The following SMYD3 variants were observed in gnomAD, a reference collection of about 807,000 sequenced individuals.
The protein encoded by SMYD3 is SET and MYND domain containing 3.
SMYD3 carries 36 observed loss-of-function variants against 57.7 expected under a neutral mutation model. The ratio of observed to expected loss-of-function variants is 0.62; its 90% CI spans 0.48 to 0.82. The LOEUF is 0.82. SMYD3 is among the 40% of genes least tolerant of loss of function. SMYD3 has a pLI of 0.00. For missense variants in SMYD3, 515 were observed against 538.8 expected (o/e 0.96, Z 0.44); for synonymous variants, 211 against 195.0 (o/e 1.08, Z -0.68).
chr1:246,208,779 A>C (rs12134377), intron 5 of SMYD3, among the ~76,000 whole-genome samples: 1 of 152,196 alleles, frequency 6.6e-6, no homozygotes, highest in Non-Finnish European at 1.5e-5. Flanking sequence ...GCCAAAACCA[A>C]CTAAAGTAGT....
intron 5 of SMYD3, among the ~76,000 whole-genome samples, chr1:245,989,000 T>C (rs2058760179): frequency 6.6e-6 from 1 of 152,236 alleles, no homozygotes. Flanking sequence ...TATCATATTA[T>C]TTAAGCCTTG....
At chr1:246,507,015 A>G in intron 1 of SMYD3, 39 bp downstream of exon 1, 1 of 1,345,462 alleles carries the variant, frequency 7.4e-7, no homozygotes. Context: ...CACCCCACAC[A>G]GCTCGCGACT....
Position 246,427,257 on chromosome 1 carries a change from A to G in SMYD3, c.165-72163T>C, listed in dbSNP as rs1404292467. Among the ~76,000 whole-genome samples the G allele has an allele frequency of 3.9e-5, 6 of 152,358 alleles. No homozygotes were observed. The East Asian group carries it at 1.2e-3, about 29-fold the overall frequency. ...ATATTAAACATTAAAATAGTGGCTC[A>G]CGCCTGTAATCCCAGCACTTTGGGA... On this transcript the variant is annotated intron_variant, in intron 1 of 11. Coordinates refer to ENST00000490107, the MANE Select transcript of SMYD3 (RefSeq NM_001167740.2).
At chr1:245,846,908 G>A (rs2050693251) in intron 10 of SMYD3, among the ~76,000 whole-genome samples, 1 of 152,144 alleles carries the variant, frequency 6.6e-6, no homozygotes, top group South Asian at 2.1e-4. Context: ...CATACTGAAG[G>A]GCAGTGTTAT....
intron 10 of SMYD3, among the ~76,000 whole-genome samples, chr1:245,799,425 C>T (rs1169269397): frequency 6.6e-6 from 1 of 152,280 alleles, no homozygotes; most frequent in Non-Finnish European, 1.5e-5. Flanking sequence ...AGCCAATCCA[C>T]CACAATCACC....
At chr1:246,457,191 C>T (rs78724809) in intron 1 of SMYD3, among the ~76,000 whole-genome samples, 1,984 of 151,778 alleles carry the variant, frequency 0.013, 40 homozygotes, top group African/African-American at 0.044. Context: ...ATAAATCTTT[C>T]GAGAGGTGAA....
intron 5 of SMYD3, among the ~76,000 whole-genome samples, chr1:246,276,888 T>C (rs1330134900): frequency 6.6e-6 from 1 of 152,176 alleles, no homozygotes; most frequent in African/African-American, 2.4e-5. Flanking sequence ...TTATTTAATG[T>C]TTCTAGTGGA....
At chr1:245,931,017 G>C (rs1378764111) in intron 5 of SMYD3, among the ~76,000 whole-genome samples, 2 of 152,324 alleles carry the variant, frequency 1.3e-5, no homozygotes, top group East Asian at 3.9e-4. Context: ...GGTAACAGAG[G>C]AACAGCAAAG....
At chr1:245,796,497 G>A (rs919457577) in intron 10 of SMYD3, among the ~76,000 whole-genome samples, 1 of 152,080 alleles carries the variant, frequency 6.6e-6, no homozygotes, top group African/African-American at 2.4e-5. Context: ...CTTTTTAGCG[G>A]GGATAGCATG....
At chr1:246,368,171 A>C (rs2066137794) in intron 1 of SMYD3, among the ~76,000 whole-genome samples, 1 of 152,234 alleles carries the variant, frequency 6.6e-6, no homozygotes, top group African/African-American at 2.4e-5. Flanking sequence ...AAAAACTTAG[A>C]TATGGGTATA....
At chr1:245,794,843 C>G (rs192851045) in intron 10 of SMYD3, among the ~76,000 whole-genome samples, 9 of 152,222 alleles carry the variant, frequency 5.9e-5, no homozygotes, top group African/African-American at 2.2e-4. Context: ...TTCCTATTCT[C>G]CTGTTCTTGT....
chr1:246,082,726 T>C (rs1436650877), intron 5 of SMYD3, among the ~76,000 whole-genome samples: 1 of 152,166 alleles, frequency 6.6e-6, no homozygotes, highest in African/African-American at 2.4e-5. Context: ...ACTGTGTCTA[T>C]GTAGAGAGAA....
At chr1:246,317,593 G>A (rs1389100106) in intron 5 of SMYD3, among the ~76,000 whole-genome samples, 1 of 152,160 alleles carries the variant, frequency 6.6e-6, no homozygotes, top group South Asian at 2.1e-4. Context: ...ATTCATTCAC[G>A]TATTGTACAC....
chr1:246,331,221 A>C (rs2065456314), intron 3 of SMYD3, among the ~76,000 whole-genome samples: 1 of 152,194 alleles, frequency 6.6e-6, no homozygotes, highest in African/African-American at 2.4e-5. Context: ...AAAAAATCTA[A>C]AAGGCTTCAC....
At chr1:246,264,196 G>A (rs974334039) in intron 5 of SMYD3, among the ~76,000 whole-genome samples, 2 of 152,120 alleles carry the variant, frequency 1.3e-5, no homozygotes, top group Non-Finnish European at 2.9e-5. Flanking sequence ...ACTTGGGACT[G>A]TATATTCTTT....
intron 10 of SMYD3, among the ~76,000 whole-genome samples, chr1:245,832,855 C>T (rs1204344775): frequency 1.2e-4 from 18 of 152,004 alleles, no homozygotes; most frequent in Admixed American, 8.5e-4. Context: ...AATTGAATAA[C>T]GTGACTGAAA....
rs187328657 is a variant in SMYD3 at position 246,087,647 on chromosome 1, T to C, written c.532-157710A>G. Among the ~76,000 whole-genome samples the C allele has an allele frequency of 1.2e-4, 18 of 152,332 alleles. No individual in the cohort carries two copies. In the East Asian group the frequency reaches 3.3e-3, roughly 28 times the overall value. Reference sequence around the variant, plus strand: ...TCCAAAACACTTTAGCCTACCAACATAGCAACTCTACGTGCAATAACGGCA... The same window carrying C: ...TCCAAAACACTTTAGCCTACCAACACAGCAACTCTACGTGCAATAACGGCA... On this transcript the variant is annotated intron_variant, in intron 5 of 11. Transcript: ENST00000490107.
chr1:245,862,936 T>C (rs768928104), intron 9 of SMYD3, among the ~76,000 whole-genome samples: 1 of 152,202 alleles, frequency 6.6e-6, no homozygotes, highest in Non-Finnish European at 1.5e-5. Flanking sequence ...TGATTCAAAA[T>C]TATGTCCTTC....
chr1:245,792,542 T>A (rs1033613342), intron 10 of SMYD3, among the ~76,000 whole-genome samples: 11 of 152,160 alleles, frequency 7.2e-5, no homozygotes, highest in South Asian at 2.1e-4. Context: ...AGAAAAAAAA[T>A]TTTTTTATTC....
Sources: gnomAD v4.1 joint callset for allele counts (sites outside exome capture counted in the v4.1 genomes callset) on GRCh38, gnomAD v4.1.1 for gene constraint, MANE v1.5 for transcripts, NCBI Gene and HGNC (gene_info 2026-07-23, HGNC 2026-07-21) for gene names.